RPL3L: variants seen among roughly 807,000 people sequenced by gnomAD.
The protein encoded by RPL3L is ribosomal protein uL3-like.
Under a neutral mutation model 44.5 loss-of-function variants are expected in RPL3L, and 44 were observed. The ratio of observed to expected loss-of-function variants is 0.99; its 90% CI spans 0.78 to 1.27. RPL3L has a LOEUF of 1.27. RPL3L is among the 50% of genes most tolerant of loss of function. The pLI is 0.00. For synonymous variants in RPL3L, 292 were observed against 230.7 expected, an observed-to-expected ratio of 1.27 and a Z score of -2.41; for missense variants, 631 against 569.1, an observed-to-expected ratio of 1.11 and a Z score of -1.11.
chr16:1,951,904 A>C (rs1597029310), intron 3 of RPL3L, among the ~76,000 whole-genome samples: 1 of 151,872 alleles, frequency 6.6e-6, no homozygotes, highest in East Asian at 1.9e-4. Context: ...GGCTGCTAGG[A>C]AACTCAGAGC....
chr16:1,945,355 A>AG, intron 9 of RPL3L, 144 bp downstream of exon 9: 2 of 770,130 alleles, frequency 2.6e-6, no homozygotes, highest in Non-Finnish European at 3.4e-6. Flanking sequence ...ACTCCATCTC[A>AG]AAAAATAAAA....
chr16:1,954,275 CCT>C (rs1389491152), intron 1 of RPL3L, 127 bp from the exon 2 acceptor site: 26 of 1,050,362 alleles, frequency 2.5e-5, no homozygotes, highest in Non-Finnish European at 3.1e-5. Context: ...CAGCACCTCC[CCT>C]GTCTGCCTAC....
At chr16:1,952,830 G>A in intron 3 of RPL3L, 44 bp downstream of exon 3, 2 of 1,605,482 alleles carry the variant, frequency 1.2e-6, no homozygotes, top group Non-Finnish European at 1.7e-6. Context: ...CAACTTCTGT[G>A]GTCCCAGCAG....
At position 1,946,958 on chromosome 16, in the gene RPL3L, G is replaced by T; in HGVS notation, c.829C>A (p.Arg277Ser). Residue 277 changes from arginine to serine, a missense_variant, in exon 6 of 10, where the codon CGC (arginine) becomes AGC (serine). Transcript: ENST00000268661. ...CGCACCTTCTTGTTGAGCTCCGTGC[G>T]GTGGTGATAGCCCTTCTGCCCGGCC... is the stretch of plus-strand genomic sequence containing the variant. ...ARAGQKGYHHRTELNKKIFRI... is the reference protein window; with the variant it reads ...ARAGQKGYHHSTELNKKIFRI... 6.2e-7 allele frequency: 1 copy of T among 1,607,348 alleles called. No homozygotes were observed. The highest frequency in any genetic ancestry group is 8.5e-7 in the Non-Finnish European group (1 of 1,177,838).
chr16:1,951,725 A>ACAT (rs1377023308), intron 3 of RPL3L, among the ~76,000 whole-genome samples: 80 of 127,726 alleles, frequency 6.3e-4, no homozygotes, highest in Non-Finnish European at 5.5e-4. Context: ...TGGGAGGTGG[A>ACAT]CATTATTATT....
rs576062978 is a variant in RPL3L, at chr16:1,949,779, G to C, written c.501+1065C>G. On this transcript the variant is annotated intron_variant, in intron 4 of 9. Transcript: ENST00000268661. ...CAGGTATGTAGGGGGCAGGTATGTA[G>C]GGGGCAGGTATGGACGGGGCAGGTA... Among the ~76,000 whole-genome samples, 62 of 50,984 alleles carry C rather than the reference G, an allele frequency of 1.2e-3. 1 individual carries two copies. Among genetic ancestry groups the C allele is most frequent in the South Asian group, 2.2e-3 (2 of 894 alleles). 33.4% of individuals were successfully genotyped at this position (50,984 alleles called of 152,430 possible). A position where few individuals can be genotyped will look rare whatever the true frequency, so the allele number is the denominator to read the frequency against.
Position 1,952,903 on chromosome 16 carries a change from A to G in RPL3L, c.336T>C (p.Asp112=), listed in dbSNP as rs2150865677. 1 of 1,613,982 alleles carries G rather than the reference A, an allele frequency of 6.2e-7. No homozygotes were observed. Among genetic ancestry groups the G allele is most frequent in the Non-Finnish European group, 8.5e-7 (1 of 1,180,004 alleles). ...FKTIFAEHLS[D]ECRRRFYKDW... ...CCTTGTAGAATCGGCGCCGGCACTC[A>G]TCACTGAGGTGTTCTGCAAAGATGG... The change falls in exon 3 of 10, where the codon GAT becomes GAC. Residue 112 remains aspartate (D), a synonymous_variant. Transcript: ENST00000268661.
At position 1,946,739 on chromosome 16, in the gene RPL3L, G is replaced by A. The variant is rs764557044; in HGVS notation, c.850-13C>T. ...CGATGCGGAAGATCTGCCAGAAGGG[G>A]GCACATGCCAGGGGCAGGAAGTGGC... On this transcript the variant is annotated splice_polypyrimidine_tract_variant and intron_variant, in intron 6 of 9. Coordinates refer to ENST00000268661, the MANE Select transcript of RPL3L (RefSeq NM_005061.3). 2 of 1,611,704 alleles carry A rather than the reference G, an allele frequency of 1.2e-6. No homozygotes were observed. The highest frequency in any genetic ancestry group is 8.5e-7 in the Non-Finnish European group (1 of 1,179,658).
In RPL3L at chr16:1,947,095, A is replaced by G. The variant is rs188057322; in HGVS notation, c.692T>C (p.Val231Ala). 1.9e-5 allele frequency: 31 copies of G among 1,613,172 alleles called. 1 individual carries two copies. The African/African-American group carries it at 3.7e-4, about 19-fold the overall frequency. Residue 231 changes from valine to alanine, a missense_variant, in exon 6 of 10, where the codon GTC becomes GCC. Coordinates refer to ENST00000268661, the MANE Select transcript of RPL3L (RefSeq NM_005061.3). ...AVTKGRGVKG[V>A]TSRWHTKKLP... Reference sequence around the variant, plus strand: ...CTTCTTGGTATGCCAGCGGCTTGTGACCCCTGTGAGTGAGAGGGGCTGGTG... The same window carrying G: ...CTTCTTGGTATGCCAGCGGCTTGTGGCCCCTGTGAGTGAGAGGGGCTGGTG...
intron 4 of RPL3L, among the ~76,000 whole-genome samples, chr16:1,949,009 C>CTTTTTTTT (rs34900670): frequency 1.6e-5 from 2 of 124,662 alleles, no homozygotes; most frequent in African/African-American, 6.6e-5. Context: ...CCGCGCCTGG[C>CTTTTTTTT]TTTTTTTTTT....
At chr16:1,951,032 AG>A in intron 3 of RPL3L, 53 bp from the exon 4 acceptor site, 2 of 1,592,298 alleles carry the variant, frequency 1.3e-6, no homozygotes, top group Non-Finnish European at 1.7e-6. Flanking sequence ...GCAGCTCCCC[AG>A]GCCTATCCTG....
rs764312004 is a variant in RPL3L, at chr16:1,947,231, A to G, written c.651T>C (p.Ile217=). ...VHSVFSQSEV[I]DVIAVTKGRG... is the part of the protein sequence containing the mutation. Reference sequence around the variant, plus strand: ...GACCCTTGGTGACAGCAATGACATCAATGACCTCACTCTGGCTGAACACGC... The same window carrying G: ...GACCCTTGGTGACAGCAATGACATCGATGACCTCACTCTGGCTGAACACGC... Residue 217 remains isoleucine, a synonymous_variant, in exon 5 of 10, where the codon ATT becomes ATC. Coordinates refer to ENST00000268661, the MANE Select transcript of RPL3L (RefSeq NM_005061.3). 6.7e-5 allele frequency: 108 copies of G among 1,613,224 alleles called. No individual in the cohort carries two copies. The Middle Eastern group carries it at 3.0e-3, about 44-fold the overall frequency.
chr16:1,944,705 C>T lies in RPL3L; in HGVS notation c.*132G>A. 2 of 1,060,312 alleles carry T rather than the reference C, an allele frequency of 1.9e-6. No individual in the cohort carries two copies. The highest frequency in any genetic ancestry group is 2.4e-5 in the East Asian group (1 of 41,984). The allele number at this position is 1,060,312 out of a possible 1,614,324, so 65.7% of individuals were successfully genotyped here. Reference sequence around the variant, plus strand: ...TCTTAATGAATCGGCTTTGTCTAGGCAGCAGGCAAGGTGAACCCCTTGGGC... The same window carrying T: ...TCTTAATGAATCGGCTTTGTCTAGGTAGCAGGCAAGGTGAACCCCTTGGGC... On this transcript the variant is annotated 3_prime_UTR_variant, in exon 10 of 10. Coordinates refer to ENST00000268661, the MANE Select transcript of RPL3L (RefSeq NM_005061.3).
In RPL3L at chr16:1,953,905, T is replaced by C. The variant is rs1375246588; in HGVS notation, c.196+51A>G. Reference sequence around the variant, plus strand: ...AAAGCGTGAGTTCTGGCTCCGAGCATCTGGAAGGTTCAGCCCTCCCCCTCC... The same window carrying C: ...AAAGCGTGAGTTCTGGCTCCGAGCACCTGGAAGGTTCAGCCCTCCCCCTCC... On this transcript the variant is annotated intron_variant, in intron 2 of 9. Transcript: ENST00000268661. 3 of 1,427,582 alleles carry C rather than the reference T, an allele frequency of 2.1e-6. No individual in the cohort carries two copies. In the African/African-American group the frequency reaches 4.4e-5, roughly 21 times the overall value. 88.4% of individuals were successfully genotyped at this position (1,427,582 alleles called of 1,614,324 possible).
At chr16:1,949,555 ATTTT>A (rs563038812) in intron 4 of RPL3L, among the ~76,000 whole-genome samples, 1 of 112,030 alleles carries the variant, frequency 8.9e-6, no homozygotes, top group African/African-American at 3.6e-5. Flanking sequence ...GTCTGGCTTG[ATTTT>A]TTTTTTTTTT....
chr16:1,951,988 G>A (rs998282093), intron 3 of RPL3L, among the ~76,000 whole-genome samples: 9 of 151,610 alleles, frequency 5.9e-5, no homozygotes, highest in East Asian at 3.9e-4. Flanking sequence ...TCACTCTGTC[G>A]CTCACACTGG....
rs758863941 is a variant in RPL3L, at chr16:1,946,696, C to T, written c.880G>A (p.Glu294Lys). Residue 294 changes from glutamate to lysine, a missense_variant, in exon 7 of 10, where the codon GAG becomes AAG. Physicochemically the swap from Glu to Lys is moderately conservative, Grantham distance 56. Transcript: ENST00000268661. Reference protein sequence around the residue: ...IFRIGRGPHMEDGKLVKNNAS... With the variant: ...IFRIGRGPHMKDGKLVKNNAS... ...TTGTTCTTCACCAGCTTCCCGTCCT[C>T]CATGTGCGGGCCCCTGCCGATGCGG... is the stretch of plus-strand genomic sequence containing the variant. The T allele has an allele frequency of 6.2e-7, 1 of 1,612,680 alleles. No homozygotes were observed. The highest frequency in any genetic ancestry group is 1.3e-5 in the African/African-American group (1 of 74,956).
At position 1,945,821 on chromosome 16, in the gene RPL3L, C is replaced by G. The variant is rs2083116598; in HGVS notation, c.1047+14G>C. 2 of 1,613,882 alleles carry G rather than the reference C, an allele frequency of 1.2e-6. No individual in the cohort carries two copies. Among genetic ancestry groups the G allele is most frequent in the East Asian group, 4.5e-5 (2 of 44,874 alleles). ...CTCGGGCACCCACTCCCCAGCCCACCCAGCACTGCCAACCTTTCTCAGCGT... is the reference window on the plus strand; with the variant it reads ...CTCGGGCACCCACTCCCCAGCCCACGCAGCACTGCCAACCTTTCTCAGCGT... On this transcript the variant is annotated intron_variant, in intron 8 of 9. Transcript: ENST00000268661.
At chr16:1,946,593 T>C (rs1181446621) in intron 7 of RPL3L, 32 bp downstream of exon 7, 1 of 1,601,694 alleles carries the variant, frequency 6.2e-7, no homozygotes, top group Admixed American at 1.7e-5. Context: ...AGCGGTGTGA[T>C]GGGCCTGGCA....
Sources: allele counts gnomAD v4.1 joint callset (sites outside exome capture counted in the v4.1 genomes callset), GRCh38; gene constraint gnomAD v4.1.1; transcripts MANE v1.5; gene names NCBI Gene and HGNC (gene_info 2026-07-23, HGNC 2026-07-21).